The following FBXL7 variants were observed in gnomAD, a reference collection of about 807,000 sequenced individuals.
The protein encoded by FBXL7 is F-box and leucine rich repeat protein 7, also known as F-box/LRR-repeat protein 7.
In FBXL7, 12 loss-of-function variants were observed where a neutral mutation model predicts 38.3. That is an observed-to-expected ratio of 0.31 (90% CI 0.20 to 0.51). The LOEUF (loss-of-function observed/expected upper bound fraction) is 0.51. Ranked by LOEUF, FBXL7 falls within the 20% of genes least tolerant of loss-of-function variation. The probability of loss-of-function intolerance (pLI) is 0.98; values close to 1 mark genes in which losing one functional copy is unlikely to be tolerated. For missense variants in FBXL7, 567 were observed against 676.4 expected, an observed-to-expected ratio of 0.84 and a Z score of 1.79; for synonymous variants, 297 against 300.9, an observed-to-expected ratio of 0.99 and a Z score of 0.13.
intron 2 of FBXL7, among the ~76,000 whole-genome samples, chr5:15,797,764 A>T (rs900099929): frequency 1.3e-5 from 2 of 152,236 alleles, no homozygotes; most frequent in Non-Finnish European, 2.9e-5. Flanking sequence ...AATAAAAACA[A>T]ATTAAGACAG....
chr5:15,844,741 A>T (rs1354656856), intron 2 of FBXL7, among the ~76,000 whole-genome samples: 1 of 152,150 alleles, frequency 6.6e-6, no homozygotes, highest in Non-Finnish European at 1.5e-5. Flanking sequence ...CTTAGGAAAC[A>T]TGATAGAGCC....
intron 2 of FBXL7, among the ~76,000 whole-genome samples, chr5:15,898,710 A>C (rs991605578): frequency 1.3e-5 from 2 of 152,164 alleles, no homozygotes; most frequent in Non-Finnish European, 2.9e-5. Context: ...AGAAAACTCA[A>C]TGTATTCTCG....
chr5:15,599,361 GTGTGTGTA>G (rs1182455220), intron 1 of FBXL7, among the ~76,000 whole-genome samples: 1 of 152,140 alleles, frequency 6.6e-6, no homozygotes, highest in African/African-American at 2.4e-5. Context: ...GTGTTTGTAT[GTGTGTGTA>G]TGTGTGTATG....
intron 2 of FBXL7, among the ~76,000 whole-genome samples, chr5:15,775,396 C>CAT (rs1736833021): frequency 6.6e-6 from 1 of 152,068 alleles, no homozygotes; most frequent in African/African-American, 2.4e-5. Context: ...CACACACACA[C>CAT]ACACACAAAT....
intron 1 of FBXL7, among the ~76,000 whole-genome samples, chr5:15,532,730 A>G (rs1485322661): frequency 6.6e-6 from 1 of 152,224 alleles, no homozygotes; most frequent in Non-Finnish European, 1.5e-5. Context: ...AGAACAGAGA[A>G]CTTTGGCTTC....
intron 1 of FBXL7, among the ~76,000 whole-genome samples, chr5:15,583,758 C>T (rs1028584264): frequency 2.0e-5 from 3 of 152,208 alleles, no homozygotes; most frequent in Non-Finnish European, 4.4e-5. Flanking sequence ...GTGGATCTAC[C>T]ATTCTGGGCT....
At chr5:15,518,275 A>G (rs1040357248) in intron 1 of FBXL7, among the ~76,000 whole-genome samples, 3 of 152,190 alleles carry the variant, frequency 2.0e-5, no homozygotes, top group South Asian at 4.1e-4. Context: ...CCACAGGTTC[A>G]GTTTTAGCTA....
chr5:15,651,517 C>T (rs1025192237), intron 2 of FBXL7, among the ~76,000 whole-genome samples: 1 of 152,142 alleles, frequency 6.6e-6, no homozygotes, highest in African/African-American at 2.4e-5. Flanking sequence ...CATCAGAGCT[C>T]TTGGATGACC....
intron 2 of FBXL7, among the ~76,000 whole-genome samples, chr5:15,723,556 A>G (rs1444463501): frequency 1.3e-5 from 2 of 152,204 alleles, no homozygotes; most frequent in African/African-American, 2.4e-5. Context: ...CATAGAGTTG[A>G]GAAAAGATAG....
intron 2 of FBXL7, among the ~76,000 whole-genome samples, chr5:15,661,387 G>T (rs1561074352): frequency 6.6e-6 from 1 of 151,272 alleles, no homozygotes; most frequent in East Asian, 1.9e-4. Flanking sequence ...GTTGTATCTT[G>T]TTTTTTTTGC....
At chr5:15,862,615 G>A (rs750376155) in intron 2 of FBXL7, among the ~76,000 whole-genome samples, 1 of 152,170 alleles carries the variant, frequency 6.6e-6, no homozygotes, top group East Asian at 1.9e-4. Context: ...GGAGCTGGTG[G>A]TGCTCTTTCC....
intron 2 of FBXL7, 39 bp from the exon 3 acceptor site, chr5:15,927,851 G>A: frequency 6.7e-7 from 1 of 1,490,494 alleles, no homozygotes; most frequent in South Asian, 1.4e-5. Context: ...GCTCTGCTGA[G>A]GCCATCATGA....
intron 1 of FBXL7, among the ~76,000 whole-genome samples, chr5:15,557,192 C>A (rs1738270079): frequency 6.6e-6 from 1 of 152,202 alleles, no homozygotes; most frequent in Non-Finnish European, 1.5e-5. Flanking sequence ...CCAGCCTTGG[C>A]CTCTCAAAGT....
intron 2 of FBXL7, among the ~76,000 whole-genome samples, chr5:15,840,165 T>C (rs544614556): frequency 1.4e-4 from 21 of 152,172 alleles, no homozygotes; most frequent in Non-Finnish European, 2.6e-4. Context: ...TCGGAGAAAG[T>C]GTCACAATGT....
chr5:15,666,879 C>G (rs1200277045), intron 2 of FBXL7, among the ~76,000 whole-genome samples: 1 of 152,110 alleles, frequency 6.6e-6, no homozygotes, highest in Non-Finnish European at 1.5e-5. Flanking sequence ...CTTATTATCT[C>G]TTGGCTCCAA....
chr5:15,887,223 C>A (rs567048828), intron 2 of FBXL7, among the ~76,000 whole-genome samples: 1 of 152,088 alleles, frequency 6.6e-6, no homozygotes, highest in Non-Finnish European at 1.5e-5. Flanking sequence ...AAACTCGATC[C>A]AAGTTTACAT....
chr5:15,633,097 G>A (rs761362512), intron 2 of FBXL7, among the ~76,000 whole-genome samples: 3 of 152,148 alleles, frequency 2.0e-5, no homozygotes, highest in African/African-American at 7.2e-5. Flanking sequence ...TATTTCTTAC[G>A]TGATCCCAAT....
intron 2 of FBXL7, among the ~76,000 whole-genome samples, chr5:15,671,162 G>A (rs937187915): frequency 1.3e-5 from 2 of 152,086 alleles, no homozygotes; most frequent in African/African-American, 2.4e-5. Context: ...TCCCACTTTT[G>A]TAGTGGGAAG....
intron 2 of FBXL7, among the ~76,000 whole-genome samples, chr5:15,681,914 C>G (rs1391759126): frequency 6.6e-6 from 1 of 152,144 alleles, no homozygotes; most frequent in Non-Finnish European, 1.5e-5. Flanking sequence ...TGACTTTTTA[C>G]AAGGAATACA....
Sources: allele counts gnomAD v4.1 joint callset (sites outside exome capture counted in the v4.1 genomes callset), GRCh38; gene constraint gnomAD v4.1.1; transcripts MANE v1.5; gene names NCBI Gene and HGNC (gene_info 2026-07-23, HGNC 2026-07-21).